C12orf56: variants seen among roughly 807,000 people sequenced by gnomAD.
The protein encoded by C12orf56 is chromosome 12 open reading frame 56.
A neutral mutation model predicts 69.9 loss-of-function variants in C12orf56; 71 were observed. That is an observed-to-expected ratio of 1.02 (90% CI 0.84 to 1.24). The LOEUF is 1.24. Among genes scored for constraint, C12orf56 ranks in the 50% most tolerant of loss-of-function variants. The pLI is 0.00. For synonymous variants in C12orf56, 276 were observed against 274.1 expected, an observed-to-expected ratio of 1.01 and a Z score of -0.07; for missense variants, 732 against 738.5, an observed-to-expected ratio of 0.99 and a Z score of 0.10.
intron 1 of C12orf56, among the ~76,000 whole-genome samples, chr12:64,375,872 T>C (rs939593646): frequency 6.6e-5 from 10 of 152,156 alleles, no homozygotes; most frequent in Non-Finnish European, 1.2e-4. Context: ...GATTTTATAC[T>C]ACAATCAGCG....
At chr12:64,305,757 A>T (rs2038503016) in intron 5 of C12orf56, among the ~76,000 whole-genome samples, 1 of 152,208 alleles carries the variant, frequency 6.6e-6, no homozygotes. Context: ...GTCTCTAAAT[A>T]AAACAGGAAT....
At chr12:64,372,159 C>T (rs1013283671) in intron 1 of C12orf56, among the ~76,000 whole-genome samples, 3 of 151,908 alleles carry the variant, frequency 2.0e-5, no homozygotes, top group East Asian at 3.9e-4. Flanking sequence ...TCATACCTAC[C>T]CTAGAAGATA....
intron 1 of C12orf56, among the ~76,000 whole-genome samples, chr12:64,354,334 G>A (rs906904013): frequency 6.6e-6 from 1 of 152,186 alleles, no homozygotes; most frequent in African/African-American, 2.4e-5. Context: ...CAGCTACTCT[G>A]GAGGCAGAGG....
At chr12:64,304,145 G>C (rs1410921203) in intron 5 of C12orf56, among the ~76,000 whole-genome samples, 1 of 151,742 alleles carries the variant, frequency 6.6e-6, no homozygotes, top group Non-Finnish European at 1.5e-5. Context: ...TAAAGAAAAT[G>C]TTGTGTCACT....
At chr12:64,321,915 GTA>G (rs2136844829) in intron 3 of C12orf56, among the ~76,000 whole-genome samples, 1 of 151,796 alleles carries the variant, frequency 6.6e-6, no homozygotes, top group Admixed American at 6.6e-5. Context: ...ACCTGTAAGT[GTA>G]TATCTTTTAC....
At chr12:64,350,065 C>G (rs2039200766) in intron 2 of C12orf56, among the ~76,000 whole-genome samples, 1 of 148,778 alleles carries the variant, frequency 6.7e-6, no homozygotes, top group African/African-American at 2.5e-5. Context: ...GCACTCCAGC[C>G]TGGGTGACAG....
chr12:64,295,920 C>G (rs2038359224), intron 6 of C12orf56, among the ~76,000 whole-genome samples: 1 of 151,718 alleles, frequency 6.6e-6, no homozygotes, highest in Admixed American at 6.6e-5. Flanking sequence ...TTACAGGAAC[C>G]AAAAATTAGA....
chr12:64,316,050 A>G (rs2038687668), intron 4 of C12orf56, among the ~76,000 whole-genome samples: 1 of 152,084 alleles, frequency 6.6e-6, no homozygotes, highest in African/African-American at 2.4e-5. Flanking sequence ...CCATCTTTCA[A>G]GGAAGAGATA....
intron 1 of C12orf56, among the ~76,000 whole-genome samples, chr12:64,357,598 G>A (rs186591079): frequency 5.3e-5 from 8 of 151,466 alleles, no homozygotes; most frequent in Admixed American, 3.3e-4. Flanking sequence ...ACTTTTTTTT[G>A]TAGAGATGAG....
At chr12:64,357,656 G>T (rs1271400559) in intron 1 of C12orf56, among the ~76,000 whole-genome samples, 1 of 151,906 alleles carries the variant, frequency 6.6e-6, no homozygotes, top group African/African-American at 2.4e-5. Context: ...CAACAGTTTC[G>T]GAGGCCAAGG....
At chr12:64,335,833 T>TGATTGG (rs1388067815) in intron 2 of C12orf56, among the ~76,000 whole-genome samples, 1 of 152,224 alleles carries the variant, frequency 6.6e-6, no homozygotes, top group Non-Finnish European at 1.5e-5. Flanking sequence ...ATGACCGAGT[T>TGATTGG]GATTGGACCA....
At chr12:64,297,429 A>C (rs886828889) in intron 6 of C12orf56, among the ~76,000 whole-genome samples, 1 of 151,936 alleles carries the variant, frequency 6.6e-6, no homozygotes, top group African/African-American at 2.4e-5. Context: ...TCTGGGGTAC[A>C]TGTGCAGAAT....
At chr12:64,380,125 AAAAAAAAAACAAAAC>A (rs1205108315) in intron 1 of C12orf56, among the ~76,000 whole-genome samples, 3,486 of 55,536 alleles carry the variant, frequency 0.063, 304 homozygotes, top group Non-Finnish European at 0.11. Context: ...AAAAAAAAAA[AAAAAAAAAACAAAAC>A]AAACAAAAAA....
In C12orf56 at chr12:64,318,628, T is replaced by C; in HGVS notation, c.841A>G (p.Thr281Ala). 6.5e-7 allele frequency: 1 copy of C among 1,536,954 alleles called. No homozygotes were observed. The highest frequency in any genetic ancestry group is 1.2e-5 in the South Asian group (1 of 84,048). Reference sequence around the variant, plus strand: ...AAGTGCAGAAATATTGATGAGGTTGTGGAAATAACATACAAATGAAGTTCT... The same window carrying C: ...AAGTGCAGAAATATTGATGAGGTTGCGGAAATAACATACAAATGAAGTTCT... ...ESELHLYVIS[T>A]TSSIFLHLKS... Residue 281 changes from threonine to alanine, a missense_variant, in exon 4 of 13, where the codon ACA becomes GCA. Thr to Ala is a moderately conservative substitution (Grantham distance 58). Coordinates refer to ENST00000543942, the MANE Select transcript of C12orf56 (RefSeq NM_001170633.2).
intron 1 of C12orf56, among the ~76,000 whole-genome samples, chr12:64,382,625 A>G (rs550681630): frequency 2.6e-5 from 4 of 152,294 alleles, no homozygotes; most frequent in Admixed American, 2.0e-4. Flanking sequence ...CTGTAATCCC[A>G]GCACTTCAGG....
intron 2 of C12orf56, among the ~76,000 whole-genome samples, chr12:64,347,156 G>A (rs1040382750): frequency 1.3e-5 from 2 of 151,592 alleles, no homozygotes; most frequent in African/African-American, 4.8e-5. Context: ...TTTTGTATTT[G>A]TAGTAGAGAC....
At chr12:64,270,170 G>T (rs1234895256) in intron 12 of C12orf56, among the ~76,000 whole-genome samples, 2 of 152,010 alleles carry the variant, frequency 1.3e-5, no homozygotes, top group Non-Finnish European at 1.5e-5. Flanking sequence ...GGCTGAGGTG[G>T]GTGGATCATC....
chr12:64,330,097 G>A (rs1000075147), intron 3 of C12orf56, among the ~76,000 whole-genome samples: 2 of 152,048 alleles, frequency 1.3e-5, no homozygotes, highest in South Asian at 2.1e-4. Context: ...CTGAGGACTC[G>A]CCACACTGAC....
chr12:64,387,169 A>T (rs1163682381), intron 1 of C12orf56, among the ~76,000 whole-genome samples: 1 of 150,852 alleles, frequency 6.6e-6, no homozygotes, highest in African/African-American at 2.4e-5. Context: ...TTTCAAGGAC[A>T]AATGATTAGC....
Sources: allele counts gnomAD v4.1 joint callset (sites outside exome capture counted in the v4.1 genomes callset), GRCh38; gene constraint gnomAD v4.1.1; transcripts MANE v1.5; gene names NCBI Gene and HGNC (gene_info 2026-07-23, HGNC 2026-07-21).